The following DSG2 variants were observed in gnomAD, a reference collection of about 807,000 sequenced individuals.
DSG2 encodes the protein desmoglein-2.
Under a neutral mutation model 75.6 loss-of-function variants are expected in DSG2, and 45 were observed. That is an observed-to-expected ratio of 0.60 (90% CI 0.47 to 0.76). The LOEUF (loss-of-function observed/expected upper bound fraction) is 0.76. Ranked by LOEUF, DSG2 falls within the 30% of genes least tolerant of loss-of-function variation. The pLI is 0.00. For missense variants in DSG2, 1,267 were observed against 1,357.4 expected (o/e 0.93, Z 1.05); for synonymous variants, 429 against 483.9 (o/e 0.89, Z 1.49).
chr18:31,539,144 A>G (rs2073250755), intron 12 of DSG2, among the ~76,000 whole-genome samples, 166 bp downstream of exon 12: 1 of 152,332 alleles, frequency 6.6e-6, no homozygotes, highest in South Asian at 2.1e-4. Flanking sequence ...TCACCAAAGC[A>G]TAATATAAGA....
chr18:31,532,519 G>GA (rs1317075484), intron 9 of DSG2, among the ~76,000 whole-genome samples: 2 of 152,178 alleles, frequency 1.3e-5, no homozygotes, highest in Non-Finnish European at 2.9e-5. Context: ...TAGCAAGAAT[G>GA]AAAATGTGGA....
intron 12 of DSG2, among the ~76,000 whole-genome samples, chr18:31,539,544 C>T (rs531645186): frequency 3.9e-5 from 6 of 152,218 alleles, no homozygotes; most frequent in Non-Finnish European, 8.8e-5. Flanking sequence ...TGTTCTCAAC[C>T]AGTCCTGCCT....
Position 31,524,822 on chromosome 18 carries a change from T to C in DSG2, c.948T>C (p.Asn316=). 1 of 1,614,122 alleles carries C rather than the reference T, an allele frequency of 6.2e-7. No individual in the cohort carries two copies. Among genetic ancestry groups the C allele is most frequent in the Non-Finnish European group, 8.5e-7 (1 of 1,180,020 alleles). Residue 316 remains asparagine, a synonymous_variant, in exon 8 of 15, where the codon AAT becomes AAC. Transcript: ENST00000261590. ...WLANFTFASG[N]EGGYFHIETD... ...CAAATTTTACATTTGCATCAGGAAA[T>C]GAAGGAGGTTATTTCCACATAGAAA...
At position 31,522,154 on chromosome 18, in the gene DSG2, A is replaced by G. The variant is rs1178317800; in HGVS notation, c.595A>G (p.Arg199Gly). Residue 199 changes from arginine (R) to glycine (G), a missense_variant, in exon 6 of 15, where the codon AGA becomes GGA. Physicochemically the swap from Arg to Gly is moderately radical, Grantham distance 125. Transcript: ENST00000261590. ...PNTLNSKISY[R>G]IVSLEPAYPP... is the part of the protein sequence containing the mutation. ...TACCCTGAATTCGAAAATTTCCTAT[A>G]GAATCGTATCTCTGGAGCCTGCTTA... The G allele has an allele frequency of 1.2e-6, 2 of 1,613,890 alleles. No homozygotes were observed. The highest frequency in any genetic ancestry group is 4.5e-5 in the East Asian group (2 of 44,834).
At chr18:31,524,359 G>T in intron 6 of DSG2, 89 bp from the exon 7 acceptor site, 1 of 1,510,078 alleles carries the variant, frequency 6.6e-7, no homozygotes, top group Non-Finnish European at 9.2e-7. Context: ...AAAATATACT[G>T]TGGTACGTGA....
intron 8 of DSG2, among the ~76,000 whole-genome samples, chr18:31,528,162 A>T (rs2073173648): frequency 6.6e-6 from 1 of 152,206 alleles, no homozygotes; most frequent in Non-Finnish European, 1.5e-5. Context: ...GTTACACAAG[A>T]GTAGTTATAT....
intron 1 of DSG2, among the ~76,000 whole-genome samples, chr18:31,518,038 G>A (rs1289538363): frequency 6.6e-6 from 1 of 152,142 alleles, no homozygotes; most frequent in African/African-American, 2.4e-5. Flanking sequence ...TATGGATCCA[G>A]GAGAATATAG....
At chr18:31,538,429 C>A (rs978983554) in intron 11 of DSG2, among the ~76,000 whole-genome samples, 1 of 152,016 alleles carries the variant, frequency 6.6e-6, no homozygotes, top group Admixed American at 6.6e-5. Context: ...AAAGGTCATT[C>A]AGTAGAAATG....
rs946587888 is a variant in DSG2, at chr18:31,548,378, C to T, written c.*1635C>T. On this transcript the variant is annotated 3_prime_UTR_variant, in exon 15 of 15. Coordinates refer to ENST00000261590, the MANE Select transcript of DSG2 (RefSeq NM_001943.5). ...AAGATATTTTGCTAGGGAAGTGAAA[C>T]TTTAAAATTTTGTAGATTTTAAAAA... 3 of 152,084 alleles carry T rather than the reference C, an allele frequency of 2.0e-5. No homozygotes were observed. The highest frequency in any genetic ancestry group is 4.8e-5 in the African/African-American group (2 of 41,414). 9.4% of individuals were successfully genotyped at this position (152,084 alleles called of 1,614,324 possible). A position where few individuals can be genotyped will look rare whatever the true frequency, so the allele number is the denominator to read the frequency against.
At chr18:31,522,302 T>C in intron 6 of DSG2, 53 bp downstream of exon 6, 1 of 1,526,098 alleles carries the variant, frequency 6.6e-7, no homozygotes, top group African/African-American at 1.4e-5. Context: ...CTTTCCAGTT[T>C]CTCCTCTCTT....
intron 2 of DSG2, among the ~76,000 whole-genome samples, chr18:31,518,638 G>C (rs2073108429): frequency 6.6e-6 from 1 of 152,048 alleles, no homozygotes; most frequent in African/African-American, 2.4e-5. Context: ...AATCATAAAA[G>C]ATATTAATCA....
Position 31,531,223 on chromosome 18 carries a change from T to C in DSG2, c.1251T>C (p.Asp417=), listed in dbSNP as rs942476545. 3 of 1,614,212 alleles carry C rather than the reference T, an allele frequency of 1.9e-6. No individual in the cohort carries two copies. The Admixed American group carries it at 5.0e-5, about 27-fold the overall frequency. The change falls in exon 9 of 15, where the codon GAT becomes GAC. Residue 417 remains aspartate, a synonymous_variant. Coordinates refer to ENST00000261590, the MANE Select transcript of DSG2 (RefSeq NM_001943.5). ...TAATTGGAAATTTTCAAGCTTTTGA[T>C]GAGGACACTGGACTACCAGCCCATG... The part of the protein sequence containing the change: ...GQIIGNFQAF[D]EDTGLPAHAR...
In DSG2 at chr18:31,538,867, G is replaced by A; in HGVS notation, c.1768G>A (p.Val590Ile). The change falls in exon 12 of 15, where the codon GTT becomes ATT. Residue 590 changes from valine (V) to isoleucine (I), a missense_variant. Physicochemically the swap from Val to Ile is conservative, Grantham distance 29. Coordinates refer to ENST00000261590, the MANE Select transcript of DSG2 (RefSeq NM_001943.5). ...CPEKQVLTLT[V>I]CECLHGSGCR... is the part of the protein sequence containing the mutation. ...TGAAAAGCAGGTCCTTACACTCACAGTTTGTGAGTGTCTGCATGGCAGCGG... is the reference window on the plus strand; with the variant it reads ...TGAAAAGCAGGTCCTTACACTCACAATTTGTGAGTGTCTGCATGGCAGCGG... The A allele has an allele frequency of 3.7e-6, 6 of 1,614,034 alleles. No individual in the cohort carries two copies. Among genetic ancestry groups the A allele is most frequent in the South Asian group, 1.1e-5 (1 of 91,076 alleles).
chr18:31,532,013 C>G (rs553105394), intron 9 of DSG2, among the ~76,000 whole-genome samples: 16 of 152,208 alleles, frequency 1.1e-4, no homozygotes, highest in Non-Finnish European at 2.1e-4. Flanking sequence ...ACCTGCTGTC[C>G]CAGACACAAC....
intron 1 of DSG2, among the ~76,000 whole-genome samples, chr18:31,507,590 T>C (rs549840320): frequency 1.1e-4 from 17 of 152,328 alleles, no homozygotes; most frequent in African/African-American, 1.9e-4. Context: ...CCAGCATCTG[T>C]TGTTTCCTGG....
In DSG2 at chr18:31,546,183, G is replaced by T. The variant is rs373055076; in HGVS notation, c.2797G>T (p.Val933Leu). 1 of 1,614,040 alleles carries T rather than the reference G, an allele frequency of 6.2e-7. No homozygotes were observed. Among genetic ancestry groups the T allele is most frequent in the East Asian group, 2.2e-5 (1 of 44,886 alleles). ...TCCTGACCCAATGGCTTCTAGAAATGTGATAGCAACAGAAACTTCCTATGT... is the reference window on the plus strand; with the variant it reads ...TCCTGACCCAATGGCTTCTAGAAATTTGATAGCAACAGAAACTTCCTATGT... Reference protein sequence around the residue: ...PLPDPMASRNVIATETSYVTG... With the variant: ...PLPDPMASRNLIATETSYVTG... The change falls in exon 15 of 15, where the codon GTG becomes TTG. Residue 933 changes from valine (V) to leucine (L), a missense_variant. Coordinates refer to ENST00000261590, the MANE Select transcript of DSG2 (RefSeq NM_001943.5).
chr18:31,537,906 G>C (rs1460430508), intron 11 of DSG2, among the ~76,000 whole-genome samples: 1 of 151,800 alleles, frequency 6.6e-6, no homozygotes, highest in East Asian at 1.9e-4. Flanking sequence ...AGGAGGCTGA[G>C]GCAGGTGAAC....
intron 1 of DSG2, among the ~76,000 whole-genome samples, chr18:31,501,276 T>A (rs535545401): frequency 6.6e-6 from 1 of 152,188 alleles, no homozygotes; most frequent in African/African-American, 2.4e-5. Context: ...GGGTGAGAGA[T>A]TTCCTGATGG....
intron 14 of DSG2, 76 bp downstream of exon 14, chr18:31,542,928 A>G: frequency 9.3e-7 from 1 of 1,071,850 alleles, no homozygotes; most frequent in South Asian, 1.8e-5. Flanking sequence ...TATTAGGGTA[A>G]TCATTGCCTT....
Sources: allele counts gnomAD v4.1 joint callset (sites outside exome capture counted in the v4.1 genomes callset), GRCh38; gene constraint gnomAD v4.1.1; transcripts MANE v1.5; gene names NCBI Gene and HGNC (gene_info 2026-07-23, HGNC 2026-07-21).